FUT6: variants seen among roughly 807,000 people sequenced by gnomAD.
The protein encoded by FUT6 is 4-galactosyl-N-acetylglucosaminide 3-alpha-L-fucosyltransferase FUT6.
For synonymous variants in FUT6, 187 were observed against 209.9 expected (o/e 0.89, Z 0.94); for missense variants, 454 against 494.6 (o/e 0.92, Z 0.78).
rs1432312214 is a variant in FUT6, at chr19:5,830,639, G to C, written c.*849C>G. 1 of 108,072 alleles carries C rather than the reference G, an allele frequency of 9.3e-6. No homozygotes were observed. Among genetic ancestry groups the C allele is most frequent in the Non-Finnish European group, 1.7e-5 (1 of 58,436 alleles). The allele number at this position is 108,072 out of a possible 1,614,324, so 6.7% of individuals were successfully genotyped here. A position where few individuals can be genotyped will look rare whatever the true frequency, so the allele number is the denominator to read the frequency against. On this transcript the variant is annotated 3_prime_UTR_variant, in exon 3 of 3. Transcript: ENST00000318336. ...TTTTTTTTTTTTGAGACAGAGTCTC[G>C]CTCTGTCGCCAGGCTGGAGTGCAGT... is the stretch of plus-strand genomic sequence containing the variant.
chr19:5,837,993 G>A (rs901588112), intron 1 of FUT6: 2 of 151,946 alleles, frequency 1.3e-5, no homozygotes, highest in Admixed American at 6.6e-5. Context: ...TTGTGCTGTC[G>A]GGCTCTTGGG....
At position 5,830,605 on chromosome 19, in the gene FUT6, T is replaced by TTTTTA. The variant is rs2057075959; in HGVS notation, c.*882_*883insTAAAA. 8.5e-6 allele frequency: 1 copy of TTTTTA among 118,268 alleles called. No individual in the cohort carries two copies. Among genetic ancestry groups the TTTTTA allele is most frequent in the African/African-American group, 3.5e-5 (1 of 28,640 alleles). The allele number at this position is 118,268 out of a possible 1,614,324, so 7.3% of individuals were successfully genotyped here. Reference sequence around the variant, plus strand: ...CGGCCACCGCACCCAGCTAATTTTTTTTTTTTTTTTTTTTTTTTTTGAGAC... The same window carrying TTTTTA: ...CGGCCACCGCACCCAGCTAATTTTTTTTTTATTTTTTTTTTTTTTTTTTTTGAGAC... On this transcript the variant is annotated 3_prime_UTR_variant, in exon 3 of 3. Transcript: ENST00000318336.
rs364637 is a variant in FUT6 at position 5,831,880 on chromosome 19, G to T, written c.688C>A (p.Gln230Lys). ...VYGRSHKPLP[Q>K]GTMMETLSRY... ...GACAGCGTCTCCATCATGGTTCCCT[G>T]GGGCAGGGGCTTGTGGGAGCGTCCG... Residue 230 changes from glutamine to lysine, a missense_variant, in exon 3 of 3, where the codon CAG becomes AAG. Coordinates refer to ENST00000318336, the MANE Select transcript of FUT6 (RefSeq NM_000150.4). This position sits in a 1 kb window ranked among gnomAD's most constrained non-coding sequence, Gnocchi z 7.0. 1.7e-4 allele frequency: 276 copies of T among 1,613,636 alleles called. No individual in the cohort carries two copies. The highest frequency in any genetic ancestry group is 2.1e-4 in the Non-Finnish European group (251 of 1,179,774).
chr19:5,836,701 T>C (rs1001304619), intron 1 of FUT6, among the ~76,000 whole-genome samples: 1 of 152,024 alleles, frequency 6.6e-6, no homozygotes, highest in African/African-American at 2.4e-5. Context: ...ATTATTATTA[T>C]TTTGCCAGAC....
rs1311635959 is a variant in FUT6, at chr19:5,830,643, T to G, written c.*845A>C. The G allele has an allele frequency of 2.4e-5, 3 of 125,766 alleles. No individual in the cohort carries two copies. The highest frequency in any genetic ancestry group is 4.8e-5 in the Non-Finnish European group (3 of 62,716). The allele number at this position is 125,766 out of a possible 1,614,324, so 7.8% of individuals were successfully genotyped here. ...TTTTTTTTGAGACAGAGTCTCGCTC[T>G]GTCGCCAGGCTGGAGTGCAGTGGCG... On this transcript the variant is annotated 3_prime_UTR_variant, in exon 3 of 3. Transcript: ENST00000318336.
At chr19:5,837,080 C>T (rs2057190312) in intron 1 of FUT6, among the ~76,000 whole-genome samples, 1 of 152,042 alleles carries the variant, frequency 6.6e-6, no homozygotes, top group African/African-American at 2.4e-5. Flanking sequence ...CTCTGTCACC[C>T]AGGCTGGAGC....
At position 5,832,808 on chromosome 19, in the gene FUT6, G is replaced by A. The variant is rs2144794792; in HGVS notation, c.-12-229C>T. 1 of 564,278 alleles carries A rather than the reference G, an allele frequency of 1.8e-6. No homozygotes were observed. Among genetic ancestry groups the A allele is most frequent in the Admixed American group, 3.1e-5 (1 of 32,440 alleles). The allele number at this position is 564,278 out of a possible 1,614,324, so 35.0% of individuals were successfully genotyped here. On this transcript the variant is annotated intron_variant, in intron 2 of 2. Coordinates refer to ENST00000318336, the MANE Select transcript of FUT6 (RefSeq NM_000150.4). The surrounding 1 kb of genome is among the most constrained non-coding windows in gnomAD (Gnocchi z 4.3). ...TTAGACAACAGGCCCTTTCTACATG[G>A]GCAAGGGTCCCTGGGGAAGTTGGGA...
In FUT6 at chr19:5,832,428, C is replaced by A; in HGVS notation, c.140G>T (p.Gly47Val). The A allele has an allele frequency of 6.2e-7, 1 of 1,613,840 alleles. No homozygotes were observed. Among genetic ancestry groups the A allele is most frequent in the African/African-American group, 1.3e-5 (1 of 74,984 alleles). Residue 47 changes from glycine (G) to valine (V), a missense_variant, in exon 3 of 3, where the codon GGG (glycine) becomes GTG (valine). Coordinates refer to ENST00000318336, the MANE Select transcript of FUT6 (RefSeq NM_000150.4). The surrounding 1 kb of genome is among the most constrained non-coding windows in gnomAD (Gnocchi z 4.3). The stretch of plus-strand genomic sequence containing the variant: ...CCCTGTGCTGTCTGGGAAGCGGGAC[C>A]CATTAGGGTACACAGTGGGATCGTC... ...SQDDPTVYPN[G>V]SRFPDSTGTP...
chr19:5,832,673 T>C lies in FUT6; in HGVS notation c.-12-94A>G. 2.0e-6 allele frequency: 2 copies of C among 976,082 alleles called. No individual in the cohort carries two copies. The highest frequency in any genetic ancestry group is 3.2e-5 in the African/African-American group (2 of 62,584). 60.5% of individuals were successfully genotyped at this position (976,082 alleles called of 1,614,324 possible). ...TGAGTCCTGAGAAGAGCTGTTATTA[T>C]TCCTGTTACACAGATGAGAAAACTG... On this transcript the variant is annotated intron_variant, in intron 2 of 2. Coordinates refer to ENST00000318336, the MANE Select transcript of FUT6 (RefSeq NM_000150.4). The surrounding 1 kb of genome is among the most constrained non-coding windows in gnomAD (Gnocchi z 4.3).
chr19:5,835,896 A>AT (rs979999702), intron 1 of FUT6, among the ~76,000 whole-genome samples: 17 of 150,426 alleles, frequency 1.1e-4, no homozygotes, highest in African/African-American at 2.9e-4. Flanking sequence ...GTTAATGCTA[A>AT]TTTTTTTTTT....
chr19:5,836,715 G>C (rs183542990), intron 1 of FUT6, among the ~76,000 whole-genome samples: 3 of 152,128 alleles, frequency 2.0e-5, no homozygotes, highest in Admixed American at 2.0e-4. Flanking sequence ...GCCAGACATG[G>C]TGGCCTGTAG....
chr19:5,831,238 G>A lies in FUT6; in HGVS notation c.*250C>T. 1 of 853,828 alleles carries A rather than the reference G, an allele frequency of 1.2e-6. No individual in the cohort carries two copies. Among genetic ancestry groups the A allele is most frequent in the Non-Finnish European group, 2.0e-6 (1 of 501,536 alleles). The allele number at this position is 853,828 out of a possible 1,614,324, so 52.9% of individuals were successfully genotyped here. ...CCGCAGGGGACGCTCCTGGAAGCCA[G>A]CATGTGAAATCCCAGGTAAGGGACA... On this transcript the variant is annotated 3_prime_UTR_variant, in exon 3 of 3. Coordinates refer to ENST00000318336, the MANE Select transcript of FUT6 (RefSeq NM_000150.4). This position sits in a 1 kb window ranked among gnomAD's most constrained non-coding sequence, Gnocchi z 7.0.
Position 5,831,376 on chromosome 19 carries a change from C to A in FUT6, c.*112G>T, listed in dbSNP as rs1407498324. The A allele has an allele frequency of 6.2e-7, 1 of 1,610,632 alleles. No homozygotes were observed. Among genetic ancestry groups the A allele is most frequent in the Admixed American group, 1.7e-5 (1 of 59,960 alleles). ...AGGTGACCGTCCCAGGCAGGTGAGT[C>A]CTCAGGCAGGTGAAGCTTCAGGCAA... On this transcript the variant is annotated 3_prime_UTR_variant, in exon 3 of 3. Coordinates refer to ENST00000318336, the MANE Select transcript of FUT6 (RefSeq NM_000150.4). The surrounding 1 kb of genome is among the most constrained non-coding windows in gnomAD (Gnocchi z 7.0).
At chr19:5,836,233 G>A (rs778920553) in intron 1 of FUT6, among the ~76,000 whole-genome samples, 13 of 32,956 alleles carry the variant, frequency 3.9e-4, no homozygotes, top group Non-Finnish European at 5.7e-4. Context: ...TTTCTTTTTT[G>A]AGACGGAGTT....
chr19:5,833,096 G>A (rs2057129562), intron 2 of FUT6, among the ~76,000 whole-genome samples: 1 of 152,184 alleles, frequency 6.6e-6, no homozygotes, highest in Non-Finnish European at 1.5e-5. Flanking sequence ...AGGCCTAGTG[G>A]GGAGAGACCC....
chr19:5,836,047 C>G (rs545113201), intron 1 of FUT6, among the ~76,000 whole-genome samples: 1 of 151,906 alleles, frequency 6.6e-6, no homozygotes, highest in African/African-American at 2.4e-5. Flanking sequence ...CACCATCATG[C>G]CTGGCTAGTT....
rs750554195 is a variant in FUT6 at position 5,831,814 on chromosome 19, G to A, written c.754C>T (p.Pro252Ser). 5.6e-6 allele frequency: 9 copies of A among 1,613,898 alleles called. No homozygotes were observed. The South Asian group carries it at 8.8e-5, about 16-fold the overall frequency. The change falls in exon 3 of 3, where the codon CCC becomes TCC. Residue 252 changes from proline to serine, a missense_variant. Pro to Ser is a moderately conservative substitution (Grantham distance 74). Coordinates refer to ENST00000318336, the MANE Select transcript of FUT6 (RefSeq NM_000150.4). The surrounding 1 kb of genome is among the most constrained non-coding windows in gnomAD (Gnocchi z 7.0). ...CACAGCTTCTCGGTGATGTAGTCGG[G>A]GTGCAAGGAGTTCTCGAAGGCCAGA... ...FYLAFENSLH[P>S]DYITEKLWRN...
At chr19:5,838,551 G>T (rs1027876017) in intron 1 of FUT6, 126 bp downstream of exon 1, 5 of 152,356 alleles carry the variant, frequency 3.3e-5, no homozygotes, top group African/African-American at 1.2e-4. Flanking sequence ...TCTTGTGCCA[G>T]CCCACCCGCA....
In FUT6 at chr19:5,831,601, C is replaced by T; in HGVS notation, c.967G>A (p.Glu323Lys). Residue 323 changes from glutamate to lysine, a missense_variant, in exon 3 of 3, where the codon GAG (glutamate) becomes AAG (lysine). By Grantham distance (56) the Glu-to-Lys change is moderately conservative. Transcript: ENST00000318336. This position sits in a 1 kb window ranked among gnomAD's most constrained non-coding sequence, Gnocchi z 7.0. ...CTGAAGGAGCGAGGCCGCAGCGTCT[C>T]CCGCCAGCGAAAGTAGCTCAGGTAG... ...ARYLSYFRWR[E>K]TLRPRSFSWA... The T allele has an allele frequency of 6.2e-7, 1 of 1,614,014 alleles. No homozygotes were observed. The highest frequency in any genetic ancestry group is 8.5e-7 in the Non-Finnish European group (1 of 1,180,014).
Sources: gnomAD v4.1 joint callset for allele counts (sites outside exome capture counted in the v4.1 genomes callset) on GRCh38, gnomAD v4.1.1 for gene constraint, Gnocchi (gnomAD v3.1) non-coding constraint, MANE v1.5 for transcripts, NCBI Gene and HGNC (gene_info 2026-07-23, HGNC 2026-07-21) for gene names.